The following REV3L variants were observed in gnomAD, a reference collection of about 807,000 sequenced individuals.
REV3L encodes the protein REV3 like, DNA directed polymerase zeta catalytic subunit.
REV3L carries 69 observed loss-of-function variants against 299.4 expected under a neutral mutation model. The observed-to-expected ratio is 0.23, with a 90% CI of 0.19 to 0.28. The LOEUF (loss-of-function observed/expected upper bound fraction) is 0.28, where lower values mean the gene tolerates loss of function less well. Ranked by LOEUF, REV3L falls within the 10% of genes least tolerant of loss-of-function variation. REV3L has a pLI of 1.00. For missense variants in REV3L, 3,128 were observed against 3,693.8 expected, an observed-to-expected ratio of 0.85 and a Z score of 3.97; for synonymous variants, 1,238 against 1,271.4, an observed-to-expected ratio of 0.97 and a Z score of 0.56.
At chr6:111,400,975 C>A (rs1181691373) in intron 4 of REV3L, among the ~76,000 whole-genome samples, 1 of 152,162 alleles carries the variant, frequency 6.6e-6, no homozygotes, top group Admixed American at 6.6e-5. Context: ...ATTATCCCAG[C>A]ACTATTTGTT....
chr6:111,424,411 T>C (rs1321458409), intron 1 of REV3L, among the ~76,000 whole-genome samples: 1 of 152,198 alleles, frequency 6.6e-6, no homozygotes, highest in African/African-American at 2.4e-5. Flanking sequence ...ACAAGAACAC[T>C]GGCAAAAACT....
intron 1 of REV3L, among the ~76,000 whole-genome samples, chr6:111,442,682 A>AT (rs148916208): frequency 6.6e-6 from 1 of 151,944 alleles, no homozygotes; most frequent in Non-Finnish European, 1.5e-5. Flanking sequence ...TTCATTGCTC[A>AT]TTTTTTTCCC....
At position 111,375,865 on chromosome 6, in the gene REV3L, T is replaced by C. The variant is rs1422658286; in HGVS notation, c.2490A>G (p.Leu830=). Residue 830 remains leucine (L), a synonymous_variant, in exon 13 of 32, where the codon TTA becomes TTG. Coordinates refer to ENST00000368802, the MANE Select transcript of REV3L (RefSeq NM_001372078.1). ...KLQPGNKPSR[L]KLNKRKLAGH... is the part of the protein sequence containing the mutation. The stretch of plus-strand genomic sequence containing the variant: ...CTGCAAGTTTCCTTTTATTCAATTT[T>C]AACCGGGATGGTTTATTGCCAGGTT... 1 of 1,613,830 alleles carries C rather than the reference T, an allele frequency of 6.2e-7. No individual in the cohort carries two copies. Among genetic ancestry groups the C allele is most frequent in the Non-Finnish European group, 8.5e-7 (1 of 1,179,880 alleles).
At chr6:111,320,546 A>G (rs866195395) in intron 26 of REV3L, among the ~76,000 whole-genome samples, 2 of 152,354 alleles carry the variant, frequency 1.3e-5, no homozygotes, top group South Asian at 4.1e-4. Flanking sequence ...GTGGGGCCAA[A>G]AACTATGGTA....
Position 111,376,166 on chromosome 6 carries a change from G to A in REV3L, c.2189C>T (p.Thr730Ile), listed in dbSNP as rs757038020. ...TGAAGGGAATAAACTACTCAGAGCT[G>A]TGCTGTTTCCTTTTTCATTTCCTTC... The part of the protein sequence containing the change: ...SSEGNEKGNS[T>I]ALSSLFPSSF... The change falls in exon 13 of 32, where the codon ACA becomes ATA. Residue 730 changes from threonine (T) to isoleucine (I), a missense_variant. This residue lies in a region of REV3L where 2,409 missense variants were observed against 2,611.8 expected (regional missense o/e 0.92). Transcript: ENST00000368802. The A allele has an allele frequency of 8.1e-6, 13 of 1,612,244 alleles. No homozygotes were observed. In the East Asian group the frequency reaches 1.8e-4, roughly 22 times the overall value.
intron 1 of REV3L, among the ~76,000 whole-genome samples, chr6:111,424,358 TG>T (rs1227242655): frequency 3.9e-5 from 6 of 152,148 alleles, no homozygotes; most frequent in Non-Finnish European, 8.8e-5. Flanking sequence ...TTTACAAAAT[TG>T]CTGAGTAAGG....
chr6:111,430,550 G>A, intron 1 of REV3L: 1 of 1,570,878 alleles, frequency 6.4e-7, no homozygotes, highest in Non-Finnish European at 8.7e-7. Context: ...GCCTGAAGCA[G>A]AGCATAGACT....
At chr6:111,370,186 G>T (rs926275245) in intron 13 of REV3L, among the ~76,000 whole-genome samples, 3 of 152,070 alleles carry the variant, frequency 2.0e-5, no homozygotes, top group African/African-American at 7.2e-5. Context: ...TATTTTAGCT[G>T]CAGGACAAGT....
intron 2 of REV3L, among the ~76,000 whole-genome samples, chr6:111,412,626 T>C (rs999301499): frequency 2.6e-5 from 4 of 152,108 alleles, no homozygotes; most frequent in African/African-American, 4.8e-5. Context: ...TTTACTCTCA[T>C]AGGACATCAC....
At chr6:111,412,312 G>A in intron 2 of REV3L, 1 of 970,722 alleles carries the variant, frequency 1.0e-6, no homozygotes, top group Non-Finnish European at 1.2e-6. Flanking sequence ...TGAGGAAAGG[G>A]GGAAGCAAAA....
intron 11 of REV3L, among the ~76,000 whole-genome samples, chr6:111,379,305 T>C (rs547801578): frequency 6.6e-6 from 1 of 152,340 alleles, no homozygotes; most frequent in Admixed American, 6.5e-5. Context: ...AGTGATGGCT[T>C]TGGGTTGGAA....
At chr6:111,319,807 CCTCA>C (rs1375513296) in intron 26 of REV3L, among the ~76,000 whole-genome samples, 1 of 151,662 alleles carries the variant, frequency 6.6e-6, no homozygotes, top group Non-Finnish European at 1.5e-5. Context: ...ATCCAGGTCT[CCTCA>C]CTCTCAGTTG....
At chr6:111,370,792 T>C (rs538092225) in intron 13 of REV3L, among the ~76,000 whole-genome samples, 1 of 151,956 alleles carries the variant, frequency 6.6e-6, no homozygotes, top group Admixed American at 6.6e-5. Context: ...CCCCCACACA[T>C]ACATGGCCTC....
intron 1 of REV3L, among the ~76,000 whole-genome samples, chr6:111,461,631 A>G (rs1474971231): frequency 6.6e-6 from 1 of 152,052 alleles, no homozygotes; most frequent in East Asian, 1.9e-4. Context: ...CAACAAAAAC[A>G]TAAAAGATGA....
chr6:111,463,370 A>G (rs1477600926), intron 1 of REV3L, among the ~76,000 whole-genome samples: 1 of 152,216 alleles, frequency 6.6e-6, no homozygotes, highest in Non-Finnish European at 1.5e-5. Flanking sequence ...TACAACAAAT[A>G]AAGAGATTCA....
At chr6:111,443,927 G>A (rs545841032) in intron 1 of REV3L, among the ~76,000 whole-genome samples, 1 of 152,314 alleles carries the variant, frequency 6.6e-6, no homozygotes, top group East Asian at 1.9e-4. Flanking sequence ...ATAAAAAGGA[G>A]TTAATTCTAT....
chr6:111,367,028 G>A, intron 14 of REV3L, 87 bp downstream of exon 14: 1 of 1,137,522 alleles, frequency 8.8e-7, no homozygotes. Flanking sequence ...CATTTAAAAA[G>A]CTCTGATTTT....
At chr6:111,480,290 TAAAG>T (rs1370238048) in intron 1 of REV3L, among the ~76,000 whole-genome samples, 1 of 152,240 alleles carries the variant, frequency 6.6e-6, no homozygotes, top group African/African-American at 2.4e-5. Flanking sequence ...ATATAAACTA[TAAAG>T]ATATAATACA....
At chr6:111,461,999 CAAGT>C (rs1484404395) in intron 1 of REV3L, among the ~76,000 whole-genome samples, 2 of 152,014 alleles carry the variant, frequency 1.3e-5, no homozygotes, top group East Asian at 1.9e-4. Context: ...ACTGGATAAA[CAAGT>C]AAGCCCATCT....
Sources: gnomAD v4.1 joint callset for allele counts (sites outside exome capture counted in the v4.1 genomes callset) on GRCh38, gnomAD v4.1.1 for gene constraint, gnomAD v4.1.1 regional missense constraint, MANE v1.5 for transcripts, NCBI Gene and HGNC (gene_info 2026-07-23, HGNC 2026-07-21) for gene names.